Variants in DLG2 observed in about 807,000 individuals in gnomAD.
DLG2 encodes discs large MAGUK scaffold protein 2, also known as disks large homolog 2.
DLG2 carries 45 observed loss-of-function variants against 132.5 expected under a neutral mutation model. The ratio of observed to expected loss-of-function variants is 0.34; its 90% confidence interval spans 0.27 to 0.44. The LOEUF (loss-of-function observed/expected upper bound fraction) is 0.44, where lower values mean the gene tolerates loss of function less well. Ranked by LOEUF, DLG2 falls within the 20% of genes least tolerant of loss-of-function variation. DLG2 has a pLI of 1.00. For synonymous variants in DLG2, 424 were observed against 419.6 expected (o/e 1.01, Z -0.13); for missense variants, 1,045 against 1,196.9 (o/e 0.87, Z 1.87).
In DLG2 at chr11:85,435,829, A is replaced by G. The variant is rs149552398; in HGVS notation, c.41-150464T>C. Reference sequence around the variant, plus strand: ...AAACCTACTTTAAAATTCACATGGAACCAAAAAAGAGCCCTCATGGCCAAG... The same window carrying G: ...AAACCTACTTTAAAATTCACATGGAGCCAAAAAAGAGCCCTCATGGCCAAG... On this transcript the variant is annotated intron_variant, in intron 3 of 27. Coordinates refer to ENST00000376104, the MANE Select transcript of DLG2 (RefSeq NM_001142699.3). Among the ~76,000 whole-genome samples the G allele has an allele frequency of 1.4e-4, 21 of 152,340 alleles. No homozygotes were observed. In the East Asian group the frequency reaches 3.3e-3, roughly 24 times the overall value.
intron 8 of DLG2, among the ~76,000 whole-genome samples, chr11:84,199,503 C>A (rs1283339169): frequency 1.3e-5 from 2 of 151,674 alleles, no homozygotes; most frequent in African/African-American, 4.8e-5. Context: ...AACAAGTAGA[C>A]AAAGATTTTT....
chr11:84,123,749 G>C (rs1312088771), intron 9 of DLG2, among the ~76,000 whole-genome samples: 3 of 152,180 alleles, frequency 2.0e-5, no homozygotes, highest in Non-Finnish European at 4.4e-5. Context: ...AGGCAACTAA[G>C]TACATAGAGA....
At chr11:83,770,255 G>GCTTTTTTTTTTTT (rs2094332424) in intron 18 of DLG2, among the ~76,000 whole-genome samples, 1 of 109,916 alleles carries the variant, frequency 9.1e-6, no homozygotes, top group Non-Finnish European at 1.9e-5. Flanking sequence ...GGTGTCTGGT[G>GCTTTTTTTTTTTT]TTTTTTTTTG....
chr11:84,888,054 A>G (rs1246711955), intron 6 of DLG2, among the ~76,000 whole-genome samples: 3 of 152,138 alleles, frequency 2.0e-5, no homozygotes, highest in African/African-American at 4.8e-5. Context: ...TCATTGATTC[A>G]TATTTTCTTA....
At chr11:84,410,841 A>G (rs751546107) in intron 7 of DLG2, among the ~76,000 whole-genome samples, 14 of 152,062 alleles carry the variant, frequency 9.2e-5, no homozygotes, top group Non-Finnish European at 1.9e-4. Flanking sequence ...CAGCCTCCCA[A>G]ACTGCTGGAA....
intron 7 of DLG2, among the ~76,000 whole-genome samples, chr11:84,485,711 T>A (rs1465251669): frequency 2.0e-5 from 3 of 152,194 alleles, no homozygotes; most frequent in African/African-American, 7.2e-5. Context: ...GCAGACCATA[T>A]GAAGGTCCTA....
chr11:84,983,000 C>T (rs927639599), intron 6 of DLG2, among the ~76,000 whole-genome samples: 1 of 152,142 alleles, frequency 6.6e-6, no homozygotes, highest in African/African-American at 2.4e-5. Context: ...TGGTTTTCCC[C>T]TAAGGTTGAC....
chr11:84,912,311 A>ACGCC (rs374539755), intron 6 of DLG2, among the ~76,000 whole-genome samples: 15 of 152,150 alleles, frequency 9.9e-5, no homozygotes, highest in African/African-American at 3.6e-4. Flanking sequence ...ACCCGCCACC[A>ACGCC]CGCCCGGCTA....
At chr11:85,124,446 T>C (rs2074820258) in intron 5 of DLG2, among the ~76,000 whole-genome samples, 1 of 152,238 alleles carries the variant, frequency 6.6e-6, no homozygotes, top group Admixed American at 6.5e-5. Flanking sequence ...TTCAAATATA[T>C]AAACTAATTT....
intron 5 of DLG2, among the ~76,000 whole-genome samples, chr11:85,116,027 T>G (rs1464670964): frequency 6.6e-6 from 1 of 151,954 alleles, no homozygotes; most frequent in Non-Finnish European, 1.5e-5. Context: ...GCATTTCAGC[T>G]GTCTTACTCA....
chr11:85,431,005 T>C (rs2091143454), intron 3 of DLG2, among the ~76,000 whole-genome samples: 1 of 152,006 alleles, frequency 6.6e-6, no homozygotes, highest in South Asian at 2.1e-4. Flanking sequence ...GTGTAAAAAA[T>C]GATTTTGGGT....
chr11:84,176,162 C>T (rs1240517759), intron 8 of DLG2, among the ~76,000 whole-genome samples: 2 of 151,768 alleles, frequency 1.3e-5, no homozygotes, highest in East Asian at 3.9e-4. Flanking sequence ...CCATCCCCCT[C>T]CCCCTAGCAG....
intron 7 of DLG2, among the ~76,000 whole-genome samples, chr11:84,359,012 A>G (rs777811278): frequency 6.6e-6 from 1 of 151,896 alleles, no homozygotes; most frequent in East Asian, 1.9e-4. Flanking sequence ...GGTTGTGTGG[A>G]GACATGAGCA....
chr11:85,452,856 C>A, intron 3 of DLG2: 1 of 179,254 alleles, frequency 5.6e-6, no homozygotes, highest in South Asian at 1.4e-4. Context: ...CAGTTTAATT[C>A]AGTCATCTAC....
chr11:84,810,918 T>A (rs1245915227), intron 6 of DLG2, among the ~76,000 whole-genome samples: 1 of 152,126 alleles, frequency 6.6e-6, no homozygotes, highest in South Asian at 2.1e-4. Context: ...TTCCCAGAGA[T>A]TAAGAAGAGA....
chr11:85,401,817 C>A (rs2152965111), intron 3 of DLG2, among the ~76,000 whole-genome samples: 1 of 152,044 alleles, frequency 6.6e-6, no homozygotes, highest in East Asian at 1.9e-4. Flanking sequence ...GAACTACAAA[C>A]CCACTTCTCA....
At chr11:85,496,783 C>T (rs1317141149) in intron 3 of DLG2, among the ~76,000 whole-genome samples, 2 of 152,180 alleles carry the variant, frequency 1.3e-5, no homozygotes, top group African/African-American at 4.8e-5. Flanking sequence ...CCCAGGCAAA[C>T]AGGGTCTGGA....
chr11:84,383,938 T>C (rs1020028457), intron 7 of DLG2, among the ~76,000 whole-genome samples: 1 of 151,906 alleles, frequency 6.6e-6, no homozygotes, highest in Non-Finnish European at 1.5e-5. Flanking sequence ...CAGCCCAAGA[T>C]GCTTTTCATT....
chr11:83,881,654 T>G (rs567443781), intron 15 of DLG2, among the ~76,000 whole-genome samples: 3 of 152,210 alleles, frequency 2.0e-5, no homozygotes, highest in African/African-American at 7.2e-5. Context: ...ATCCTTTTAA[T>G]AGACTAACCA....
Sources: allele counts gnomAD v4.1 joint callset (sites outside exome capture counted in the v4.1 genomes callset), GRCh38; gene constraint gnomAD v4.1.1; transcripts MANE v1.5; gene names NCBI Gene and HGNC (gene_info 2026-07-23, HGNC 2026-07-21).